Variants in UNC5D observed in about 807,000 individuals in gnomAD.
UNC5D encodes the protein netrin receptor UNC5D.
Under a neutral mutation model 105.4 loss-of-function variants are expected in UNC5D, and 39 were observed. The ratio of observed to expected loss-of-function variants is 0.37; its 90% CI spans 0.29 to 0.48. UNC5D has a LOEUF of 0.48. UNC5D is among the 20% of genes least tolerant of loss of function. The pLI is 0.98. For synonymous variants in UNC5D, 452 were observed against 450.4 expected (o/e 1.00, Z -0.04); for missense variants, 991 against 1,202.4 (o/e 0.82, Z 2.60).
intron 8 of UNC5D, among the ~76,000 whole-genome samples, chr8:35,718,027 A>G (rs1218350647): frequency 6.6e-6 from 1 of 151,664 alleles, no homozygotes; most frequent in Non-Finnish European, 1.5e-5. Flanking sequence ...ATTCCTCAGT[A>G]GTTTCTGACT....
intron 1 of UNC5D, among the ~76,000 whole-genome samples, chr8:35,396,133 G>T (rs1171343913): frequency 2.0e-5 from 3 of 152,024 alleles, no homozygotes; most frequent in Non-Finnish European, 1.5e-5. Context: ...AGCCCCTTTT[G>T]TTTAACCTCC....
intron 14 of UNC5D, among the ~76,000 whole-genome samples, chr8:35,763,446 CTTTTTT>C (rs201449850): frequency 8.0e-6 from 1 of 124,724 alleles, no homozygotes; most frequent in Non-Finnish European, 1.7e-5. Context: ...TGGTCAGTGC[CTTTTTT>C]TTTTTTTTTT....
chr8:35,642,709 T>C (rs1822816457), intron 4 of UNC5D, among the ~76,000 whole-genome samples: 1 of 152,128 alleles, frequency 6.6e-6, no homozygotes, highest in South Asian at 2.1e-4. Flanking sequence ...TTTTGCTAAA[T>C]TTAATTAGCA....
At chr8:35,690,544 G>A (rs1826321794) in intron 7 of UNC5D, among the ~76,000 whole-genome samples, 1 of 152,224 alleles carries the variant, frequency 6.6e-6, no homozygotes, top group African/African-American at 2.4e-5. Flanking sequence ...AAGCTGAGGT[G>A]TGAGGATGAA....
At chr8:35,721,922 A>C (rs1254040318) in intron 8 of UNC5D, among the ~76,000 whole-genome samples, 5 of 152,188 alleles carry the variant, frequency 3.3e-5, no homozygotes, top group Non-Finnish European at 7.3e-5. Flanking sequence ...CTCTTACTAG[A>C]AAAAAACATT....
At chr8:35,492,084 A>T (rs113667156) in intron 1 of UNC5D, among the ~76,000 whole-genome samples, 1 of 149,774 alleles carries the variant, frequency 6.7e-6, no homozygotes. Context: ...TTTTCAGAAC[A>T]TCACTTTTCT....
chr8:35,311,337 C>A (rs577948920), intron 1 of UNC5D, among the ~76,000 whole-genome samples: 2 of 151,870 alleles, frequency 1.3e-5, no homozygotes, highest in Non-Finnish European at 2.9e-5. Flanking sequence ...TTCAGAGGAG[C>A]GATGTGATCT....
intron 1 of UNC5D, among the ~76,000 whole-genome samples, chr8:35,292,402 A>C (rs1807137879): frequency 6.6e-6 from 1 of 152,244 alleles, no homozygotes; most frequent in African/African-American, 2.4e-5. Flanking sequence ...CTGCATATTC[A>C]GAACTTCAGT....
At chr8:35,778,349 T>C (rs747701991) in intron 16 of UNC5D, among the ~76,000 whole-genome samples, 1 of 152,200 alleles carries the variant, frequency 6.6e-6, no homozygotes, top group Non-Finnish European at 1.5e-5. Context: ...CTGTTTTTAG[T>C]ACTGTCCCGA....
Position 35,235,874 on chromosome 8 carries a change from C to A in UNC5D, c.90C>A (p.Thr30=). 1 of 1,228,816 alleles carries A rather than the reference C, an allele frequency of 8.1e-7. No individual in the cohort carries two copies. The highest frequency in any genetic ancestry group is 1.0e-6 in the Non-Finnish European group (1 of 985,918). The allele number at this position is 1,228,816 out of a possible 1,614,324, so 76.1% of individuals were successfully genotyped here. ...WLGLCFWAAG[T]AAARGTDNGE... ...GGCTGTGCTTCTGGGCGGCAGGGAC[C>A]GCGGCTGCCCGAGGTAAGCGCTGGG... Residue 30 remains threonine (T), a synonymous_variant, in exon 1 of 17, where the codon ACC becomes ACA. Coordinates refer to ENST00000404895, the MANE Select transcript of UNC5D (RefSeq NM_080872.4).
chr8:35,726,758 G>A, intron 10 of UNC5D: 1 of 629,030 alleles, frequency 1.6e-6, no homozygotes, highest in South Asian at 2.2e-5. Flanking sequence ...TTGATTCCCT[G>A]TTAGAGCTGA....
At chr8:35,694,217 C>T (rs1007073913) in intron 7 of UNC5D, among the ~76,000 whole-genome samples, 8 of 152,088 alleles carry the variant, frequency 5.3e-5, no homozygotes, top group African/African-American at 1.9e-4. Context: ...AAACACTGAA[C>T]TGGGGACTGT....
At chr8:35,531,041 T>A (rs1488710250) in intron 1 of UNC5D, among the ~76,000 whole-genome samples, 2 of 150,608 alleles carry the variant, frequency 1.3e-5, no homozygotes, top group African/African-American at 4.9e-5. Context: ...GTGTCTCTAT[T>A]TCCTTCAGTT....
chr8:35,728,257 T>C lies in UNC5D; in HGVS notation c.1681+1728T>C, dbSNP rs1828995240. ...CCATTACTCCTTCTCTCTCTTTGCA[T>C]CCTCCTTTCTTAGTGTATGTATGTG... On this transcript the variant is annotated intron_variant, in intron 10 of 16. Transcript: ENST00000404895. Among the ~76,000 whole-genome samples the C allele has an allele frequency of 1.3e-5, 2 of 151,926 alleles. 1 individual carries two copies. Among genetic ancestry groups the C allele is most frequent in the South Asian group, 4.2e-4 (2 of 4,818 alleles).
At chr8:35,622,664 A>G (rs1219902317) in intron 4 of UNC5D, among the ~76,000 whole-genome samples, 1 of 152,206 alleles carries the variant, frequency 6.6e-6, no homozygotes, top group East Asian at 1.9e-4. Context: ...ATTAGATAAT[A>G]AAATCTAATA....
At chr8:35,372,696 T>C (rs1392043824) in intron 1 of UNC5D, among the ~76,000 whole-genome samples, 2 of 152,150 alleles carry the variant, frequency 1.3e-5, no homozygotes, top group Non-Finnish European at 2.9e-5. Flanking sequence ...CTTGAATTTA[T>C]GAGCTGAAGA....
intron 4 of UNC5D, among the ~76,000 whole-genome samples, chr8:35,634,217 G>A (rs939495337): frequency 6.6e-6 from 1 of 152,196 alleles, no homozygotes; most frequent in Non-Finnish European, 1.5e-5. Flanking sequence ...CATTTTGTTT[G>A]CATTGCACTC....
intron 3 of UNC5D, among the ~76,000 whole-genome samples, chr8:35,592,130 T>A (rs1246684495): frequency 6.6e-6 from 1 of 152,218 alleles, no homozygotes; most frequent in African/African-American, 2.4e-5. Flanking sequence ...CTATTTACTG[T>A]CTCCATATTT....
chr8:35,573,295 G>T (rs1330963070), intron 3 of UNC5D, among the ~76,000 whole-genome samples: 1 of 152,074 alleles, frequency 6.6e-6, no homozygotes, highest in Non-Finnish European at 1.5e-5. Flanking sequence ...AAGGTTAGGT[G>T]AGCTGGATAT....
Sources: allele counts gnomAD v4.1 joint callset (sites outside exome capture counted in the v4.1 genomes callset), GRCh38; gene constraint gnomAD v4.1.1; transcripts MANE v1.5; gene names NCBI Gene and HGNC (gene_info 2026-07-23, HGNC 2026-07-21).